The following PRC1 variants were observed in gnomAD, a reference collection of about 807,000 sequenced individuals.
The protein encoded by PRC1 is protein regulator of cytokinesis 1, also known as anaphase spindle elongation 1 homolog.
In PRC1, 54 loss-of-function variants were observed where a neutral mutation model predicts 91.2. The observed-to-expected ratio is 0.59, with a 90% CI of 0.48 to 0.74. The LOEUF (loss-of-function observed/expected upper bound fraction) is 0.74, where lower values mean the gene tolerates loss of function less well. PRC1 is among the 30% of genes least tolerant of loss of function. The pLI is 0.00. For synonymous variants in PRC1, 275 were observed against 263.6 expected (o/e 1.04, Z -0.42); for missense variants, 727 against 746.2 (o/e 0.97, Z 0.30).
chr15:90,994,516 T>A lies in PRC1; in HGVS notation c.-99A>T, dbSNP rs906585456. On this transcript the variant is annotated 5_prime_UTR_variant, in exon 1 of 15. Coordinates refer to ENST00000394249, the MANE Select transcript of PRC1 (RefSeq NM_003981.4). ...CAAACACCGGCGATGTCACTCCGCG[T>A]AGCCGCTCCGCGAGCCGTTGAGCCC... 1.4e-6 allele frequency: 2 copies of A among 1,422,648 alleles called. No individual in the cohort carries two copies. Among genetic ancestry groups the A allele is most frequent in the Admixed American group, 2.3e-5 (1 of 43,264 alleles). 88.1% of individuals were successfully genotyped at this position (1,422,648 alleles called of 1,614,324 possible).
At chr15:90,976,798 G>T in intron 8 of PRC1, 27 bp from the exon 9 acceptor site, 1 of 1,564,182 alleles carries the variant, frequency 6.4e-7, no homozygotes, top group Non-Finnish European at 8.8e-7. Flanking sequence ...TTTAATTAGT[G>T]GAAAACCTGG....
At chr15:90,991,172 T>C (rs1362650025) in intron 1 of PRC1, among the ~76,000 whole-genome samples, 1 of 151,548 alleles carries the variant, frequency 6.6e-6, no homozygotes, top group Non-Finnish European at 1.5e-5. Context: ...TCCCAGCACT[T>C]TGGGAGGCCA....
chr15:90,978,466 A>G (rs184463840), intron 8 of PRC1, among the ~76,000 whole-genome samples: 27 of 152,220 alleles, frequency 1.8e-4, no homozygotes, highest in Admixed American at 1.8e-3. Context: ...GACATGTGCC[A>G]TCAGGCCAGG....
chr15:90,986,514 G>A (rs538975888), intron 1 of PRC1, among the ~76,000 whole-genome samples: 1 of 152,170 alleles, frequency 6.6e-6, no homozygotes, highest in East Asian at 1.9e-4. Context: ...CCCAGCTACT[G>A]GGGCGGCTGA....
intron 9 of PRC1, among the ~76,000 whole-genome samples, chr15:90,975,285 G>A (rs1374680036): frequency 6.6e-6 from 1 of 152,190 alleles, no homozygotes; most frequent in East Asian, 1.9e-4. Flanking sequence ...GTATTTTTTA[G>A]TAGAGATGGG....
rs145820777 is a variant in PRC1, at chr15:90,970,092, G to C, written c.1572+312C>G. Among the ~76,000 whole-genome samples the C allele has an allele frequency of 1.7e-3, 258 of 152,126 alleles. 3 individuals carry two copies. In the East Asian group the frequency reaches 0.039, roughly 23 times the overall value. On this transcript the variant is annotated intron_variant, in intron 12 of 14. Transcript: ENST00000394249. ...CACTGGGCTAGAACCCACATGTAGGGGACCTATCTCCATACCAGCTGAGGA... is the reference window on the plus strand; with the variant it reads ...CACTGGGCTAGAACCCACATGTAGGCGACCTATCTCCATACCAGCTGAGGA...
chr15:90,967,154 T>C lies in PRC1; in HGVS notation c.1840A>G (p.Asn614Asp). The C allele has an allele frequency of 6.2e-7, 1 of 1,614,116 alleles. No homozygotes were observed. The highest frequency in any genetic ancestry group is 8.5e-7 in the Non-Finnish European group (1 of 1,179,946). Residue 614 changes from asparagine to aspartate, a missense_variant, in exon 15 of 15, where the codon AAT becomes GAT. Physicochemically the swap from Asn to Asp is conservative, Grantham distance 23. Transcript: ENST00000394249. ...TCTCAGGACTGGATGTTGGTTGAAT[T>C]GAGGATTCCAGAAGTAGCATCAGAT... ...SKSDATSGIL[N>D]STNIQS
intron 8 of PRC1, chr15:90,977,270 C>T (rs1328933061): frequency 6.5e-6 from 1 of 152,710 alleles, no homozygotes; most frequent in African/African-American, 2.4e-5. Context: ...TGGCTGTGAT[C>T]ACTGACTTAT....
At chr15:90,990,390 AATTT>A (rs1420392455) in intron 1 of PRC1, among the ~76,000 whole-genome samples, 2 of 121,564 alleles carry the variant, frequency 1.6e-5, no homozygotes, top group African/African-American at 8.6e-5. Flanking sequence ...ATAAATAAAT[AATTT>A]TTTTTTTTTT....
chr15:90,984,249 G>C lies in PRC1; in HGVS notation c.145-109C>G. ...TTTTTCTTTTTCTTTTTTTCTTTGA[G>C]ATGGAGTCTCGCTCTGTTGCCCAGG... is the stretch of plus-strand genomic sequence containing the variant. On this transcript the variant is annotated intron_variant, in intron 2 of 14. Coordinates refer to ENST00000394249, the MANE Select transcript of PRC1 (RefSeq NM_003981.4). The surrounding 1 kb of genome is among the most constrained non-coding windows in gnomAD (Gnocchi z 5.1). 7.0e-7 allele frequency: 1 copy of C among 1,424,806 alleles called. No homozygotes were observed. The highest frequency in any genetic ancestry group is 9.5e-7 in the Non-Finnish European group (1 of 1,053,244). The allele number at this position is 1,424,806 out of a possible 1,614,324, so 88.3% of individuals were successfully genotyped here.
At chr15:90,968,210 T>C (rs2037705296) in intron 14 of PRC1, 18 of 985,442 alleles carry the variant, frequency 1.8e-5, no homozygotes, top group Non-Finnish European at 2.2e-5. Context: ...AAGAGAAAGC[T>C]GGACCTCTGT....
At position 90,967,003 on chromosome 15, in the gene PRC1, G is replaced by A. The variant is rs1205799958; in HGVS notation, c.*128C>T. 1.3e-6 allele frequency: 1 copy of A among 766,096 alleles called. No homozygotes were observed. The highest frequency in any genetic ancestry group is 2.2e-6 in the Non-Finnish European group (1 of 445,548). 47.5% of individuals were successfully genotyped at this position (766,096 alleles called of 1,614,324 possible). ...ACACTCATTCACATCTTTAAGTTAG[G>A]CCCATGGTCATGGAACCTGGCCAAG... On this transcript the variant is annotated 3_prime_UTR_variant, in exon 15 of 15. Transcript: ENST00000394249.
chr15:90,974,129 T>G lies in PRC1; in HGVS notation c.1461+7A>C, dbSNP rs778102439. Reference sequence around the variant, plus strand: ...GAAATCAGTGTTTCCCTAAGCCTTGTGTTTACCTTACGTGCTTTGCCCGGT... The same window carrying G: ...GAAATCAGTGTTTCCCTAAGCCTTGGGTTTACCTTACGTGCTTTGCCCGGT... On this transcript the variant is annotated splice_region_variant and intron_variant, in intron 11 of 14. Transcript: ENST00000394249. The surrounding 1 kb of genome is among the most constrained non-coding windows in gnomAD (Gnocchi z 4.6). 6.2e-7 allele frequency: 1 copy of G among 1,611,268 alleles called. No individual in the cohort carries two copies.
At position 90,969,573 on chromosome 15, in the gene PRC1, C is replaced by T; in HGVS notation, c.1623G>A (p.Arg541=). 1.2e-6 allele frequency: 2 copies of T among 1,613,504 alleles called. No individual in the cohort carries two copies. Among genetic ancestry groups the T allele is most frequent in the East Asian group, 4.5e-5 (2 of 44,886 alleles). ...CCAGGTTCTCCTTGTTGGCTCCATG[C>T]CTGCCAGTACGGGGTGTTTTCTTCC... is the stretch of plus-strand genomic sequence containing the variant. ...CSGKKTPRTG[R]HGANKENLEL... Residue 541 remains arginine (R), a synonymous_variant, in exon 13 of 15, where the codon AGG becomes AGA. Transcript: ENST00000394249.
Position 90,974,259 on chromosome 15 carries a change from C to G in PRC1, c.1351-13G>C. The G allele has an allele frequency of 6.3e-7, 1 of 1,594,884 alleles. No individual in the cohort carries two copies. The highest frequency in any genetic ancestry group is 8.6e-7 in the Non-Finnish European group (1 of 1,162,642). On this transcript the variant is annotated splice_polypyrimidine_tract_variant and intron_variant, in intron 10 of 14. Coordinates refer to ENST00000394249, the MANE Select transcript of PRC1 (RefSeq NM_003981.4). This position sits in a 1 kb window ranked among gnomAD's most constrained non-coding sequence, Gnocchi z 4.6. ...TGTTCTTCAGTTGCTGTGTGAAAGT[C>G]AGAAGCAACAGTGATAAATCTCAGG...
intron 3 of PRC1, 66 bp from the exon 4 acceptor site, chr15:90,982,047 A>C (rs751425633): frequency 2.8e-6 from 4 of 1,453,388 alleles, no homozygotes; most frequent in South Asian, 2.4e-5. Context: ...AGAGAAGGAC[A>C]ACATAAGAAG....
At chr15:90,979,134 A>T (rs764288159) in intron 8 of PRC1, 24 bp downstream of exon 8, 2 of 1,606,490 alleles carry the variant, frequency 1.2e-6, no homozygotes, top group African/African-American at 2.7e-5. Context: ...TTAACAGTTA[A>T]AAACACAAAA....
In PRC1 at chr15:90,994,488, C is replaced by A. The variant is rs1007466975; in HGVS notation, c.-71G>T. 2 of 1,541,568 alleles carry A rather than the reference C, an allele frequency of 1.3e-6. No individual in the cohort carries two copies. Among genetic ancestry groups the A allele is most frequent in the Non-Finnish European group, 1.8e-6 (2 of 1,136,020 alleles). On this transcript the variant is annotated 5_prime_UTR_variant, in exon 1 of 15. Transcript: ENST00000394249. ...ACACGGCCCCGAGAGCAACAACCAC[C>A]CGCAAACACCGGCGATGTCACTCCG...
chr15:90,981,527 A>C lies in PRC1; in HGVS notation c.644T>G (p.Ile215Ser). The change falls in exon 5 of 15, where the codon ATT (isoleucine) becomes AGT (serine). Residue 215 changes from isoleucine to serine, a missense_variant. Transcript: ENST00000394249. ...EDAFCLSLEN[I>S]ATLQKLLRQL... ...CCGTAGCAACTTTTGTAGTGTTGCA[A>C]TATTCTCCAAAGACAAACAAAAGGC... 5 of 1,613,996 alleles carry C rather than the reference A, an allele frequency of 3.1e-6. No homozygotes were observed. The highest frequency in any genetic ancestry group is 4.2e-6 in the Non-Finnish European group (5 of 1,180,032).
Sources: allele counts gnomAD v4.1 joint callset (sites outside exome capture counted in the v4.1 genomes callset), GRCh38; gene constraint gnomAD v4.1.1; non-coding constraint Gnocchi (gnomAD v3.1); transcripts MANE v1.5; gene names NCBI Gene and HGNC (gene_info 2026-07-23, HGNC 2026-07-21).